The following MAZ variants were observed in gnomAD, a reference collection of about 807,000 sequenced individuals.
MAZ encodes the protein myc-associated zinc finger protein.
MAZ carries 4 observed loss-of-function variants against 32.7 expected under a neutral mutation model. The observed-to-expected ratio is 0.12, with a 90% CI of 0.06 to 0.28. The LOEUF is 0.28. MAZ is among the 10% of genes least tolerant of loss of function. MAZ has a pLI of 1.00. For missense variants in MAZ, 763 were observed against 667.2 expected (o/e 1.14, Z -1.58); for synonymous variants, 510 against 297.6 (o/e 1.71, Z -7.35).
chr16:29,810,098 T>C lies in MAZ; in HGVS notation c.1301T>C (p.Met434Thr). ...CNKGTGEVCP[M>T]AAAAAAAAAA... ...GCAGGTACTGGTGAGGTTTGTCCAA[T>C]GGCGGCGGCAGCGGCAGCGGCGGCA... The change falls in exon 5 of 5, where the codon ATG becomes ACG. Residue 434 changes from methionine to threonine, a missense_variant. Coordinates refer to ENST00000322945, the MANE Select transcript of MAZ (RefSeq NM_002383.4). The C allele has an allele frequency of 1.2e-6, 2 of 1,607,760 alleles. No homozygotes were observed. Among genetic ancestry groups the C allele is most frequent in the East Asian group, 2.2e-5 (1 of 44,718 alleles).
chr16:29,806,165 C>T (rs1596864464), upstream of MAZ: 1 of 1,236,660 alleles, frequency 8.1e-7, no homozygotes, highest in Non-Finnish European at 1.1e-6. Context: ...GCAACTGGAG[C>T]AGCTTCATCT....
chr16:29,806,836 G>T lies in MAZ; in HGVS notation c.135G>T (p.Gly45=). ...QGHAQNPLQV[G]AELQSRFFAS... ...ACGCCCAGAACCCCCTGCAGGTCGG[G>T]GCTGAGCTCCAGTCCCGCTTCTTTG... Residue 45 remains glycine, a synonymous_variant, in exon 1 of 5, where the codon GGG becomes GGT. Transcript: ENST00000322945. 6.9e-7 allele frequency: 1 copy of T among 1,457,598 alleles called. No homozygotes were observed. Among genetic ancestry groups the T allele is most frequent in the Non-Finnish European group, 9.1e-7 (1 of 1,098,308 alleles). 90.3% of individuals were successfully genotyped at this position (1,457,598 alleles called of 1,614,324 possible).
chr16:29,809,172 C>A, intron 4 of MAZ: 1 of 492,424 alleles, frequency 2.0e-6, no homozygotes, highest in East Asian at 3.6e-5. Flanking sequence ...CAGTCAGACT[C>A]ACCGGTTAAC....
chr16:29,809,018 C>A, intron 4 of MAZ: 1 of 548,814 alleles, frequency 1.8e-6, no homozygotes, highest in South Asian at 2.5e-5. Context: ...AAGGAGTAGT[C>A]AAGAAAGCCA....
rs189662522 is a variant in MAZ, at chr16:29,810,089, T to G, written c.1292T>G (p.Val431Gly). 1 of 1,609,810 alleles carries G rather than the reference T, an allele frequency of 6.2e-7. No individual in the cohort carries two copies. Among genetic ancestry groups the G allele is most frequent in the East Asian group, 2.2e-5 (1 of 44,770 alleles). The change falls in exon 5 of 5, where the codon GTT becomes GGT. Residue 431 changes from valine (V) to glycine (G), a missense_variant. Val to Gly is a moderately radical substitution (Grantham distance 109). Coordinates refer to ENST00000322945, the MANE Select transcript of MAZ (RefSeq NM_002383.4). ...TTCTCCTGTGCAGGTACTGGTGAGG[T>G]TTGTCCAATGGCGGCGGCAGCGGCA... ...CELCNKGTGE[V>G]CPMAAAAAAA...
At chr16:29,810,044 C>G (rs775675641) in intron 4 of MAZ, 33 bp from the exon 5 acceptor site, 2 of 1,584,696 alleles carry the variant, frequency 1.3e-6, no homozygotes, top group Non-Finnish European at 1.7e-6. Context: ...CCATTCAGAT[C>G]GCGCTGTGAT....
chr16:29,809,544 C>T (rs780237294), intron 4 of MAZ: 86 of 1,608,216 alleles, frequency 5.3e-5, no homozygotes, highest in Non-Finnish European at 6.1e-5. Context: ...CAATAGGCTT[C>T]ACCACGGCAG....
chr16:29,808,553 C>T lies in MAZ; in HGVS notation c.1108-17C>T, dbSNP rs754791726. 24 of 1,595,764 alleles carry T rather than the reference C, an allele frequency of 1.5e-5. No homozygotes were observed. The highest frequency in any genetic ancestry group is 2.0e-5 in the Non-Finnish European group (23 of 1,170,530). ...AACTCTCCTGTGACACCCCCCACGC[C>T]CCTCCCCCCTCCTCAGAAATGTGAG... On this transcript the variant is annotated splice_polypyrimidine_tract_variant and intron_variant, in intron 3 of 4. Transcript: ENST00000322945.
intron 2 of MAZ, 117 bp downstream of exon 2, chr16:29,807,945 ACTCCCAGGGCGGAGGGAGGAAGCCT>A (rs763707602): frequency 2.7e-5 from 40 of 1,485,758 alleles, no homozygotes; most frequent in African/African-American, 1.4e-4. Context: ...AAGGGGAGCC[ACTCCCAGGGCGGAGGGAGGAAGCCT>A]CTCCCGGTTA....
Position 29,807,442 on chromosome 16 carries a change from G to C in MAZ, c.657G>C (p.Arg219=). The change falls in exon 2 of 5, where the codon CGG becomes CGC. Residue 219 remains arginine, a synonymous_variant. Transcript: ENST00000322945. ...TCCACACGGGAGCCAAGGCCGGCCG[G>C]GTCCCCTCGGGTGCTATGAAGATGC... is the stretch of plus-strand genomic sequence containing the variant. The part of the protein sequence containing the change: ...EAIHTGAKAG[R]VPSGAMKMPT... 1 of 1,612,426 alleles carries C rather than the reference G, an allele frequency of 6.2e-7. No homozygotes were observed. The highest frequency in any genetic ancestry group is 8.5e-7 in the Non-Finnish European group (1 of 1,179,740).
chr16:29,810,092 G>A lies in MAZ; in HGVS notation c.1295G>A (p.Cys432Tyr), dbSNP rs1899831708. 1 of 1,610,210 alleles carries A rather than the reference G, an allele frequency of 6.2e-7. No homozygotes were observed. Reference sequence around the variant, plus strand: ...TCCTGTGCAGGTACTGGTGAGGTTTGTCCAATGGCGGCGGCAGCGGCAGCG... The same window carrying A: ...TCCTGTGCAGGTACTGGTGAGGTTTATCCAATGGCGGCGGCAGCGGCAGCG... The part of the protein sequence containing the change: ...ELCNKGTGEV[C>Y]PMAAAAAAAA... Residue 432 changes from cysteine to tyrosine, a missense_variant, in exon 5 of 5, where the codon TGT (cysteine) becomes TAT (tyrosine). Transcript: ENST00000322945.
chr16:29,811,026 T>TTTCATCCCTC lies in MAZ; in HGVS notation c.*799_*808dup, dbSNP rs764746927. On this transcript the variant is annotated 3_prime_UTR_variant, in exon 5 of 5. Transcript: ENST00000322945. Reference sequence around the variant, plus strand: ...CCCAGCTCCAGCCCTGGTCTTGTCTTTTCATCCCTCTTCCCCACGACAGAA... The same window carrying TTTCATCCCTC: ...CCCAGCTCCAGCCCTGGTCTTGTCTTTTCATCCCTCTTCATCCCTCTTCCCCACGACAGAA... 45 of 454,346 alleles carry TTTCATCCCTC rather than the reference T, an allele frequency of 9.9e-5. No homozygotes were observed. Among genetic ancestry groups the TTTCATCCCTC allele is most frequent in the South Asian group, 5.6e-4 (36 of 64,146 alleles). The allele number at this position is 454,346 out of a possible 1,614,324, so 28.1% of individuals were successfully genotyped here.
At position 29,810,957 on chromosome 16, in the gene MAZ, TGGGGGC is replaced by T. The variant is rs1213099790; in HGVS notation, c.*732_*737del. 2.4e-6 allele frequency: 1 copy of T among 411,560 alleles called. No individual in the cohort carries two copies. Among genetic ancestry groups the T allele is most frequent in the South Asian group, 1.8e-5 (1 of 56,584 alleles). The allele number at this position is 411,560 out of a possible 1,614,324, so 25.5% of individuals were successfully genotyped here. On this transcript the variant is annotated 3_prime_UTR_variant, in exon 5 of 5. Transcript: ENST00000322945. ...GGGTCCAGGGCCTAGAGGTGCTTCC[TGGGGGC>T]GGGGGAATGCAGCCAGTGTCCCCCT...
intron 4 of MAZ, chr16:29,809,865 T>C: frequency 3.0e-6 from 3 of 991,880 alleles, no homozygotes; most frequent in Non-Finnish European, 4.4e-6. Context: ...GGGATGCCCA[T>C]GTACCACTCA....
chr16:29,807,517 C>T lies in MAZ; in HGVS notation c.732C>T (p.Ala244=), dbSNP rs948496300. The T allele has an allele frequency of 1.9e-6, 3 of 1,609,852 alleles. No individual in the cohort carries two copies. Among genetic ancestry groups the T allele is most frequent in the Admixed American group, 1.7e-5 (1 of 59,800 alleles). ...TGAGCGTGCCCCAGCTGAGCGGAGCCGGCGGGGGAGGGGGAGAGGCGGGTG... is the reference window on the plus strand; with the variant it reads ...TGAGCGTGCCCCAGCTGAGCGGAGCTGGCGGGGGAGGGGGAGAGGCGGGTG... ...SLLSVPQLSG[A]GGGGGEAGAG... is the part of the protein sequence containing the mutation. The change falls in exon 2 of 5, where the codon GCC becomes GCT. Residue 244 remains alanine (A), a synonymous_variant. Transcript: ENST00000322945.
At chr16:29,809,006 G>A (rs941941306) in intron 4 of MAZ, 4 of 557,308 alleles carry the variant, frequency 7.2e-6, no homozygotes, top group African/African-American at 3.8e-5. Context: ...GCTGCTCTGG[G>A]GAAGGAGTAG....
rs1243974913 is a variant in MAZ, at chr16:29,807,656, G to A, written c.871G>A (p.Val291Ile). The change falls in exon 2 of 5, where the codon GTC (valine) becomes ATC (isoleucine). Residue 291 changes from valine (V) to isoleucine (I), a missense_variant. Transcript: ENST00000322945. ...CEMCGKAFRD[V>I]YHLNRHKLSH... ...GATGTGTGGCAAGGCCTTCCGCGACGTCTACCACCTGAACCGACACAAGCT... is the reference window on the plus strand; with the variant it reads ...GATGTGTGGCAAGGCCTTCCGCGACATCTACCACCTGAACCGACACAAGCT... 6.2e-7 allele frequency: 1 copy of A among 1,612,870 alleles called. No homozygotes were observed. Among genetic ancestry groups the A allele is most frequent in the Admixed American group, 1.7e-5 (1 of 60,024 alleles).
chr16:29,810,107 C>T lies in MAZ; in HGVS notation c.1310C>T (p.Ala437Val). 6.5e-7 allele frequency: 1 copy of T among 1,542,662 alleles called. No individual in the cohort carries two copies. The highest frequency in any genetic ancestry group is 8.8e-7 in the Non-Finnish European group (1 of 1,140,108). ...GTGEVCPMAAAAAAAAAAAAA... is the reference protein window; with the variant it reads ...GTGEVCPMAAVAAAAAAAAAA... ...GGTGAGGTTTGTCCAATGGCGGCGG[C>T]AGCGGCAGCGGCGGCAGCGGCAGCA... is the stretch of plus-strand genomic sequence containing the variant. Residue 437 changes from alanine to valine, a missense_variant, in exon 5 of 5, where the codon GCA becomes GTA. By Grantham distance (64) the Ala-to-Val change is moderately conservative. Coordinates refer to ENST00000322945, the MANE Select transcript of MAZ (RefSeq NM_002383.4).
chr16:29,810,098 T>TGGCGGCGGC lies in MAZ; in HGVS notation c.1302_1310dup (p.Ala446_Ala448dup), dbSNP rs750443159. On this transcript the variant is annotated inframe_insertion, in exon 5 of 5. Transcript: ENST00000322945. The stretch of plus-strand genomic sequence containing the variant: ...GCAGGTACTGGTGAGGTTTGTCCAA[T>TGGCGGCGGC]GGCGGCGGCAGCGGCAGCGGCGGCA... The TGGCGGCGGC allele has an allele frequency of 7.7e-5, 123 of 1,607,642 alleles. No homozygotes were observed. The highest frequency in any genetic ancestry group is 9.8e-5 in the Non-Finnish European group (115 of 1,176,918).
Sources: gnomAD v4.1 joint callset for allele counts on GRCh38, gnomAD v4.1.1 for gene constraint, MANE v1.5 for transcripts, NCBI Gene and HGNC (gene_info 2026-07-23, HGNC 2026-07-21) for gene names.